The following SPIRE1 variants were observed in gnomAD, a reference collection of about 807,000 sequenced individuals.
The protein encoded by SPIRE1 is protein spire homolog 1.
Under a neutral mutation model 94.1 loss-of-function variants are expected in SPIRE1, and 40 were observed. The observed-to-expected ratio is 0.43, with a 90% confidence interval of 0.33 to 0.55. The LOEUF is 0.55. SPIRE1 is among the 20% of genes least tolerant of loss of function. The pLI is 0.06. For synonymous variants in SPIRE1, 376 were observed against 371.7 expected (o/e 1.01, Z -0.13); for missense variants, 838 against 975.2 (o/e 0.86, Z 1.87).
intron 4 of SPIRE1, among the ~76,000 whole-genome samples, chr18:12,514,631 G>A (rs1253599436): frequency 1.3e-5 from 2 of 152,114 alleles, no homozygotes; most frequent in Non-Finnish European, 2.9e-5. Context: ...TTAGTAAGAG[G>A]AAGCTCAATC....
In SPIRE1 at chr18:12,657,883, G is replaced by A; in HGVS notation, c.-17C>T. 9.6e-7 allele frequency: 1 copy of A among 1,046,294 alleles called. No individual in the cohort carries two copies. The highest frequency in any genetic ancestry group is 1.1e-6 in the Non-Finnish European group (1 of 872,744). The allele number at this position is 1,046,294 out of a possible 1,614,324, so 64.8% of individuals were successfully genotyped here. On this transcript the variant is annotated 5_prime_UTR_variant, in exon 1 of 17. Transcript: ENST00000409402. Reference sequence around the variant, plus strand: ...CTGAGCCATCCCGCGGGTGGGCGCTGCGCTCGGCAGTCGCGCCGTGTGCCG... The same window carrying A: ...CTGAGCCATCCCGCGGGTGGGCGCTACGCTCGGCAGTCGCGCCGTGTGCCG...
intron 2 of SPIRE1, among the ~76,000 whole-genome samples, chr18:12,632,210 A>G (rs971938108): frequency 6.6e-6 from 1 of 152,162 alleles, no homozygotes; most frequent in Non-Finnish European, 1.5e-5. Context: ...ATCCCCTGAG[A>G]GGGTCTCAGA....
rs1192768204 is a variant in SPIRE1, at chr18:12,453,137, A to T, written c.1778T>A (p.Leu593His). ...DIYTALKKGK[L>H]CFCCRTRRFS... is the part of the protein sequence containing the mutation. ...CCTCCTGGTTCGGCAACAAAAGCAG[A>T]GCTAAAAAATACAAATTTAAGAGGA... Residue 593 changes from leucine (L) to histidine (H), a missense_variant and splice_region_variant, in exon 14 of 17, where the codon CTC (leucine) becomes CAC (histidine). Coordinates refer to ENST00000409402, the MANE Select transcript of SPIRE1 (RefSeq NM_001128626.2). 6.2e-7 allele frequency: 1 copy of T among 1,604,896 alleles called. No individual in the cohort carries two copies. Among genetic ancestry groups the T allele is most frequent in the Non-Finnish European group, 8.5e-7 (1 of 1,177,500 alleles).
rs952888833 is a variant in SPIRE1 at position 12,559,067 on chromosome 18, C to T, written c.373-12163G>A. Among the ~76,000 whole-genome samples the T allele has an allele frequency of 1.1e-4, 16 of 152,060 alleles. No individual in the cohort carries two copies. The highest frequency in any genetic ancestry group is 2.9e-4 in the African/African-American group (12 of 41,416). ...GGCGGGCAGAGGTGCCCGCCAGTCC[C>T]GTGCCACGTGCCTGCACTCCTCAGC... is the stretch of plus-strand genomic sequence containing the variant. On this transcript the variant is annotated intron_variant, in intron 2 of 16. Transcript: ENST00000409402. The surrounding 1 kb of genome is among the most constrained non-coding windows in gnomAD (Gnocchi z 4.7).
At chr18:12,632,268 G>A (rs2037803055) in intron 2 of SPIRE1, among the ~76,000 whole-genome samples, 1 of 152,150 alleles carries the variant, frequency 6.6e-6, no homozygotes, top group African/African-American at 2.4e-5. Flanking sequence ...CACTACTCCA[G>A]ACAACCATCG....
In SPIRE1 at chr18:12,454,438, C is replaced by T; in HGVS notation, c.1684G>A (p.Glu562Lys). The change falls in exon 13 of 17, where the codon GAA becomes AAA. Residue 562 changes from glutamate to lysine, a missense_variant. Glu to Lys is a moderately conservative substitution (Grantham distance 56, BLOSUM62 1). Coordinates refer to ENST00000409402, the MANE Select transcript of SPIRE1 (RefSeq NM_001128626.2). ...AGGACCTGGCGAATATGCATCACTT[C>T]TTCCACAGTAAGAGCGAGGCATTCC... ...PVECLALTVE[E>K]VMHIRQVLVK... The T allele has an allele frequency of 1.2e-6, 2 of 1,614,124 alleles. No homozygotes were observed. The highest frequency in any genetic ancestry group is 1.7e-6 in the Non-Finnish European group (2 of 1,179,946).
At chr18:12,600,047 G>A (rs140758431) in intron 2 of SPIRE1, among the ~76,000 whole-genome samples, 721 of 146,522 alleles carry the variant, frequency 4.9e-3, no homozygotes, top group Non-Finnish European at 7.0e-3. Flanking sequence ...CATGGCAAAG[G>A]AACTGCAGAT....
At position 12,619,233 on chromosome 18, in the gene SPIRE1, C is replaced by T. The variant is rs377156542; in HGVS notation, c.372+15829G>A. On this transcript the variant is annotated intron_variant, in intron 2 of 16. Coordinates refer to ENST00000409402, the MANE Select transcript of SPIRE1 (RefSeq NM_001128626.2). ...TTTTAAAAATAAACAGCAAGAGGGCCGGGCATGGTGGCTCACGCCTGTAAT... is the reference window on the plus strand; with the variant it reads ...TTTTAAAAATAAACAGCAAGAGGGCTGGGCATGGTGGCTCACGCCTGTAAT... Among the ~76,000 whole-genome samples, 15 of 152,258 alleles carry T rather than the reference C, an allele frequency of 9.9e-5. No individual in the cohort carries two copies. In the South Asian group the frequency reaches 1.9e-3, roughly 19 times the overall value.
At chr18:12,631,050 C>T (rs989398358) in intron 2 of SPIRE1, among the ~76,000 whole-genome samples, 1 of 152,102 alleles carries the variant, frequency 6.6e-6, no homozygotes, top group African/African-American at 2.4e-5. Context: ...GCAAGGATGC[C>T]TGGGCTTCCT....
rs189933210 is a variant in SPIRE1 at position 12,557,238 on chromosome 18, C to T, written c.373-10334G>A. On this transcript the variant is annotated intron_variant, in intron 2 of 16. Coordinates refer to ENST00000409402, the MANE Select transcript of SPIRE1 (RefSeq NM_001128626.2). ...GAGGCTTGGGCCTCATGGGAGACCA[C>T]GGCAGCGGGGCAGGGACAGGGCTCA... is the stretch of plus-strand genomic sequence containing the variant. Among the ~76,000 whole-genome samples the T allele has an allele frequency of 1.2e-3, 178 of 152,348 alleles. 1 individual carries two copies. The highest frequency in any genetic ancestry group is 4.0e-3 in the African/African-American group (166 of 41,586).
chr18:12,464,795 G>A, intron 11 of SPIRE1, 73 bp downstream of exon 11: 1 of 1,266,796 alleles, frequency 7.9e-7, no homozygotes, highest in African/African-American at 1.5e-5. Flanking sequence ...GGCGCTCTGG[G>A]ATCTCTGCTC....
intron 4 of SPIRE1, among the ~76,000 whole-genome samples, chr18:12,513,615 C>G (rs956892824): frequency 2.6e-5 from 4 of 151,850 alleles, no homozygotes; most frequent in Non-Finnish European, 5.9e-5. Flanking sequence ...CCTCTACCTC[C>G]CGGATTCAAG....
At chr18:12,617,686 A>G (rs563835389) in intron 2 of SPIRE1, among the ~76,000 whole-genome samples, 1 of 152,234 alleles carries the variant, frequency 6.6e-6, no homozygotes, top group South Asian at 2.1e-4. Flanking sequence ...CTAGGATTAC[A>G]GGCGTGAGCC....
rs1567918378 is a variant in SPIRE1 at position 12,538,772 on chromosome 18, G to A, written c.604-3171C>T. Among the ~76,000 whole-genome samples, 5 of 152,244 alleles carry A rather than the reference G, an allele frequency of 3.3e-5. No homozygotes were observed. The South Asian group carries it at 8.3e-4, about 25-fold the overall frequency. On this transcript the variant is annotated intron_variant, in intron 3 of 16. Transcript: ENST00000409402. ...GGCAATGATCCTGCCTCAGCCTCCT[G>A]AATAGCTGGGATTACAGGTGTGTGG... is the stretch of plus-strand genomic sequence containing the variant.
intron 2 of SPIRE1, among the ~76,000 whole-genome samples, chr18:12,585,922 T>G (rs2036381481): frequency 6.6e-6 from 1 of 152,202 alleles, no homozygotes; most frequent in African/African-American, 2.4e-5. Flanking sequence ...GTTTCTATAT[T>G]ACTTTCATTT....
At position 12,479,164 on chromosome 18, in the gene SPIRE1, T is replaced by C. The variant is rs2032744661; in HGVS notation, c.1404+535A>G. ...GTGTGTGTATACATATATGTATTTT[T>C]TTTTTCTTTTTCTTTTTTTTTTTTT... On this transcript the variant is annotated intron_variant, in intron 10 of 16. Coordinates refer to ENST00000409402, the MANE Select transcript of SPIRE1 (RefSeq NM_001128626.2). 2.7e-5 allele frequency among the ~76,000 whole-genome samples: 4 copies of C among 149,840 alleles called. No individual in the cohort carries two copies. In the South Asian group the frequency reaches 6.3e-4, roughly 24 times the overall value.
At chr18:12,570,198 C>CA (rs2035927902) in intron 2 of SPIRE1, among the ~76,000 whole-genome samples, 1 of 152,214 alleles carries the variant, frequency 6.6e-6, no homozygotes, top group African/African-American at 2.4e-5. Context: ...CCTTTGCTGG[C>CA]ATGATCAAGT....
intron 12 of SPIRE1, among the ~76,000 whole-genome samples, chr18:12,458,393 C>G (rs1297685499): frequency 1.3e-5 from 2 of 151,382 alleles, no homozygotes; most frequent in African/African-American, 4.8e-5. Flanking sequence ...GGGCGGATCA[C>G]GAGGTCAGGA....
At chr18:12,509,130 A>G (rs1230697821) in intron 5 of SPIRE1, among the ~76,000 whole-genome samples, 2 of 152,234 alleles carry the variant, frequency 1.3e-5, no homozygotes, top group East Asian at 3.8e-4. Context: ...CCCTTATCCC[A>G]TTAGGGAAAT....
Sources: gnomAD v4.1 joint callset for allele counts (sites outside exome capture counted in the v4.1 genomes callset) on GRCh38, gnomAD v4.1.1 for gene constraint, Gnocchi (gnomAD v3.1) non-coding constraint, MANE v1.5 for transcripts, NCBI Gene and HGNC (gene_info 2026-07-23, HGNC 2026-07-21) for gene names.